CDH18: variants seen among roughly 807,000 people sequenced by gnomAD.
The protein encoded by CDH18 is cadherin 18.
Under a neutral mutation model 67.9 loss-of-function variants are expected in CDH18, and 31 were observed. That is an observed-to-expected ratio of 0.46 (90% confidence interval 0.34 to 0.62). The LOEUF (loss-of-function observed/expected upper bound fraction) is 0.62. Ranked by LOEUF, CDH18 falls within the 20% of genes least tolerant of loss-of-function variation. The probability of loss-of-function intolerance (pLI) is 0.01; values close to 1 mark genes in which losing one functional copy is unlikely to be tolerated. For synonymous variants in CDH18, 362 were observed against 347.2 expected (o/e 1.04, Z -0.48); for missense variants, 890 against 975.5 (o/e 0.91, Z 1.17).
At chr5:20,283,832 C>G (rs1013053461) in intron 1 of CDH18, among the ~76,000 whole-genome samples, 4 of 151,976 alleles carry the variant, frequency 2.6e-5, no homozygotes, top group Admixed American at 2.6e-4. Flanking sequence ...TTCACAATTT[C>G]CAAGATTTGG....
At chr5:20,566,237 G>C (rs565379282) in intron 1 of CDH18, among the ~76,000 whole-genome samples, 19 of 152,172 alleles carry the variant, frequency 1.2e-4, no homozygotes, top group African/African-American at 4.6e-4. Flanking sequence ...CTCAGAGGAA[G>C]CAGAGGAAGG....
intron 1 of CDH18, among the ~76,000 whole-genome samples, chr5:20,463,283 G>C (rs1751398979): frequency 6.7e-6 from 1 of 150,048 alleles, no homozygotes; most frequent in Non-Finnish European, 1.5e-5. Context: ...TAGAGTTAAG[G>C]CTGAGATTAG....
intron 3 of CDH18, among the ~76,000 whole-genome samples, chr5:19,804,883 C>T (rs1403951690): frequency 6.6e-6 from 1 of 152,004 alleles, no homozygotes; most frequent in African/African-American, 2.4e-5. Context: ...ATTACTAAGT[C>T]TCTTCAGGAG....
At chr5:19,677,263 A>G (rs938111472) in intron 5 of CDH18, among the ~76,000 whole-genome samples, 1 of 152,102 alleles carries the variant, frequency 6.6e-6, no homozygotes, top group African/African-American at 2.4e-5. Context: ...CAGTATTCTT[A>G]AAGAAAAGAA....
intron 2 of CDH18, chr5:20,158,530 C>T (rs1158903438): frequency 6.6e-6 from 1 of 152,238 alleles, no homozygotes; most frequent in African/African-American, 2.4e-5. Context: ...AATTATTTTT[C>T]ATCCCTAACT....
intron 2 of CDH18, among the ~76,000 whole-genome samples, chr5:20,199,798 C>T (rs916710627): frequency 1.3e-5 from 2 of 151,986 alleles, no homozygotes; most frequent in East Asian, 3.9e-4. Flanking sequence ...GTGGTTTCTC[C>T]CATGCTGTTC....
intron 5 of CDH18, among the ~76,000 whole-genome samples, chr5:19,702,774 C>A (rs1433547567): frequency 6.6e-6 from 1 of 152,038 alleles, no homozygotes; most frequent in Non-Finnish European, 1.5e-5. Context: ...TAAACAAAAT[C>A]TCTGCAGCAC....
intron 1 of CDH18, among the ~76,000 whole-genome samples, chr5:20,466,971 A>G (rs1369810072): frequency 6.6e-6 from 1 of 152,134 alleles, no homozygotes; most frequent in Non-Finnish European, 1.5e-5. Flanking sequence ...TGTTGCAGGA[A>G]AAGGAGAGGG....
At chr5:19,652,598 C>G (rs192910430) in intron 5 of CDH18, among the ~76,000 whole-genome samples, 4 of 152,104 alleles carry the variant, frequency 2.6e-5, no homozygotes, top group Admixed American at 2.6e-4. Context: ...TCACAAAAAT[C>G]AATGCTGCAA....
chr5:19,546,494 A>G (rs183717374), intron 8 of CDH18, among the ~76,000 whole-genome samples: 1 of 152,242 alleles, frequency 6.6e-6, no homozygotes, highest in Non-Finnish European at 1.5e-5. Flanking sequence ...GAAATTTCCC[A>G]TTGAAAGTAA....
chr5:20,122,816 A>G (rs188218587), intron 2 of CDH18, among the ~76,000 whole-genome samples: 7 of 148,068 alleles, frequency 4.7e-5, no homozygotes, highest in Admixed American at 1.4e-4. Context: ...CAAAGTATAT[A>G]TATATATATA....
intron 2 of CDH18, among the ~76,000 whole-genome samples, chr5:20,011,138 G>A (rs1024125461): frequency 5.3e-5 from 8 of 152,270 alleles, no homozygotes; most frequent in African/African-American, 1.7e-4. Context: ...CATTGGAACA[G>A]TGGTTTGTAG....
chr5:19,954,097 G>A (rs1288272057), intron 2 of CDH18, among the ~76,000 whole-genome samples: 1 of 151,896 alleles, frequency 6.6e-6, no homozygotes, highest in Admixed American at 6.6e-5. Context: ...TATATTTTCT[G>A]TACTTACTAA....
At chr5:20,079,194 G>A (rs1744228281) in intron 2 of CDH18, among the ~76,000 whole-genome samples, 1 of 151,948 alleles carries the variant, frequency 6.6e-6, no homozygotes, top group Non-Finnish European at 1.5e-5. Context: ...TGCACCCACT[G>A]ACCAATATTT....
chr5:20,137,216 C>T (rs183274513), intron 2 of CDH18, among the ~76,000 whole-genome samples: 1 of 152,134 alleles, frequency 6.6e-6, no homozygotes, highest in Non-Finnish European at 1.5e-5. Context: ...CTTTCAGGTA[C>T]ACCAGTCCGA....
At chr5:20,463,214 C>CT (rs1751393266) in intron 1 of CDH18, among the ~76,000 whole-genome samples, 1 of 141,422 alleles carries the variant, frequency 7.1e-6, no homozygotes, top group African/African-American at 2.5e-5. Flanking sequence ...TTTGAACTCA[C>CT]TTTTTTTGTG....
At chr5:19,559,446 C>T (rs1739040584) in intron 8 of CDH18, among the ~76,000 whole-genome samples, 1 of 151,978 alleles carries the variant, frequency 6.6e-6, no homozygotes, top group African/African-American at 2.4e-5. Context: ...TCAATAGATG[C>T]AGTAAAAGCT....
chr5:19,820,616 C>T (rs975634865), intron 3 of CDH18, among the ~76,000 whole-genome samples: 34 of 152,300 alleles, frequency 2.2e-4, no homozygotes, highest in Middle Eastern at 3.4e-3. Flanking sequence ...TCAAGTAGCC[C>T]CTGTGAGAGA....
chr5:20,442,374 A>T (rs1358620432), intron 1 of CDH18, among the ~76,000 whole-genome samples: 1 of 152,000 alleles, frequency 6.6e-6, no homozygotes, highest in East Asian at 1.9e-4. Context: ...TATGTGACAC[A>T]GTTCTCAAAT....
Sources: allele counts gnomAD v4.1 joint callset (sites outside exome capture counted in the v4.1 genomes callset), GRCh38; gene constraint gnomAD v4.1.1; transcripts MANE v1.5; gene names NCBI Gene and HGNC (gene_info 2026-07-23, HGNC 2026-07-21).